The following RORA variants were observed in gnomAD, a reference collection of about 807,000 sequenced individuals.
RORA encodes the protein RAR related orphan receptor A.
RORA carries 7 observed loss-of-function variants against 69.5 expected under a neutral mutation model. That is an observed-to-expected ratio of 0.10 (90% confidence interval 0.06 to 0.19). RORA has a LOEUF of 0.19. RORA is among the 10% of genes least tolerant of loss of function. The pLI, the probability that RORA is intolerant of heterozygous loss-of-function variation, is 1.00. For missense variants in RORA, 457 were observed against 663.0 expected (o/e 0.69, Z 3.41); for synonymous variants, 261 against 240.8 (o/e 1.08, Z -0.78).
chr15:60,744,326 G>A (rs146544050), intron 1 of RORA, among the ~76,000 whole-genome samples: 229 of 152,314 alleles, frequency 1.5e-3, no homozygotes, highest in African/African-American at 5.4e-3. Context: ...GGGGACATGA[G>A]GCAGCTCCAT....
At chr15:60,536,411 A>G (rs2066680796) in intron 2 of RORA, among the ~76,000 whole-genome samples, 1 of 152,232 alleles carries the variant, frequency 6.6e-6, no homozygotes, top group Non-Finnish European at 1.5e-5. Flanking sequence ...GTGGGGATAG[A>G]GAAAAGCTGC....
At chr15:60,932,468 G>A (rs1892401987) in intron 1 of RORA, among the ~76,000 whole-genome samples, 1 of 152,194 alleles carries the variant, frequency 6.6e-6, no homozygotes, top group African/African-American at 2.4e-5. Flanking sequence ...TAACAGGTAT[G>A]TTAAAAAGTT....
At chr15:61,060,240 C>T (rs1034629590) in intron 1 of RORA, among the ~76,000 whole-genome samples, 1 of 152,176 alleles carries the variant, frequency 6.6e-6, no homozygotes, top group African/African-American at 2.4e-5. Flanking sequence ...GGATCTCCAC[C>T]ACGCCTAGTA....
At chr15:60,532,031 G>A (rs760992576) in intron 2 of RORA, among the ~76,000 whole-genome samples, 180 bp from the exon 3 acceptor site, 1 of 152,146 alleles carries the variant, frequency 6.6e-6, no homozygotes, top group Non-Finnish European at 1.5e-5. Context: ...ATGGCTGCTC[G>A]TTATATAATA....
At chr15:60,499,764 T>C in intron 10 of RORA, 128 bp downstream of exon 10, 1 of 557,080 alleles carries the variant, frequency 1.8e-6, no homozygotes, top group Non-Finnish European at 3.2e-6. Context: ...AATTTATTTC[T>C]TTTTAGTAGC....
chr15:60,826,789 C>CTCT (rs1226200219), intron 1 of RORA, among the ~76,000 whole-genome samples: 2 of 99,282 alleles, frequency 2.0e-5, no homozygotes, highest in African/African-American at 7.0e-5. Context: ...CTCTCTCTCT[C>CTCT]TTTTTTTTTT....
intron 2 of RORA, among the ~76,000 whole-genome samples, chr15:60,633,121 A>G (rs901438519): frequency 1.3e-5 from 2 of 152,208 alleles, no homozygotes; most frequent in Non-Finnish European, 2.9e-5. Context: ...CTTCATCACA[A>G]TCTGGTGCTG....
chr15:60,833,694 T>C (rs1043614884), intron 1 of RORA, among the ~76,000 whole-genome samples: 1 of 152,230 alleles, frequency 6.6e-6, no homozygotes, highest in Non-Finnish European at 1.5e-5. Flanking sequence ...TCTATGAATT[T>C]GGCATATAAT....
chr15:61,022,572 T>C (rs1310002843), intron 1 of RORA, among the ~76,000 whole-genome samples: 1 of 152,172 alleles, frequency 6.6e-6, no homozygotes, highest in Non-Finnish European at 1.5e-5. Flanking sequence ...CAAAATCTGC[T>C]ATGGACTGGG....
At chr15:61,191,874 T>C (rs2079803540) in intron 1 of RORA, among the ~76,000 whole-genome samples, 1 of 152,256 alleles carries the variant, frequency 6.6e-6, no homozygotes, top group Non-Finnish European at 1.5e-5. Context: ...ATTAGGTCTG[T>C]AGAGTGGGAT....
At position 61,096,011 on chromosome 15, in the gene RORA, CA is replaced by C. The variant is rs537563149; in HGVS notation, c.166+133041del. Among the ~76,000 whole-genome samples the C allele has an allele frequency of 3.8e-4, 58 of 152,244 alleles. 1 individual carries two copies. Among genetic ancestry groups the C allele is most frequent in the African/African-American group, 1.3e-3 (54 of 41,548 alleles). On this transcript the variant is annotated intron_variant, in intron 1 of 10. Transcript: ENST00000335670. ...GGGTTTGGAATTATGAATCACAAGC[CA>C]AAGGGCAGAGTCCAAAAGCTTGTCT... is the stretch of plus-strand genomic sequence containing the variant.
chr15:60,489,999 A>T lies in RORA; in HGVS notation c.*7456T>A, dbSNP rs2065015615. ...TTTCCATATAGCCATATTTATAAAC[A>T]AATTCACCCTATAGATGTCAAATAT... On this transcript the variant is annotated 3_prime_UTR_variant, in exon 11 of 11. Coordinates refer to ENST00000335670, the MANE Select transcript of RORA (RefSeq NM_134261.3). 1 of 152,112 alleles carries T rather than the reference A, an allele frequency of 6.6e-6. No homozygotes were observed. The highest frequency in any genetic ancestry group is 1.5e-5 in the Non-Finnish European group (1 of 67,998). 9.4% of individuals were successfully genotyped at this position (152,112 alleles called of 1,614,324 possible).
intron 2 of RORA, among the ~76,000 whole-genome samples, chr15:60,566,934 T>G (rs941143562): frequency 2.0e-5 from 3 of 152,146 alleles, no homozygotes; most frequent in African/African-American, 7.2e-5. Context: ...AATACTCTGT[T>G]AAGGAGTTTG....
intron 1 of RORA, among the ~76,000 whole-genome samples, chr15:60,951,765 C>T (rs1012477179): frequency 3.3e-5 from 5 of 152,124 alleles, no homozygotes; most frequent in African/African-American, 1.2e-4. Flanking sequence ...CTGAATAGAC[C>T]AATAACAGGA....
chr15:60,542,136 C>T (rs2066891829), intron 2 of RORA, among the ~76,000 whole-genome samples: 1 of 152,214 alleles, frequency 6.6e-6, no homozygotes, highest in Non-Finnish European at 1.5e-5. Context: ...CACTTTGGTA[C>T]TTCAGTACGG....
At chr15:61,059,589 TG>T (rs1451263241) in intron 1 of RORA, among the ~76,000 whole-genome samples, 1 of 152,192 alleles carries the variant, frequency 6.6e-6, no homozygotes, top group Non-Finnish European at 1.5e-5. Context: ...GATACGTTAT[TG>T]CCATTTCTAT....
chr15:60,561,071 GTTTTGTTTTTGT>G (rs1172780541), intron 2 of RORA, among the ~76,000 whole-genome samples: 4 of 110,498 alleles, frequency 3.6e-5, no homozygotes, highest in African/African-American at 9.4e-5. Flanking sequence ...TTTTTTTTTT[GTTTTGTTTTTGT>G]TTTTTTTTTT....
chr15:60,714,059 T>TC (rs1491280805), intron 1 of RORA, among the ~76,000 whole-genome samples: 52 of 144,354 alleles, frequency 3.6e-4, no homozygotes, highest in African/African-American at 1.0e-3. Flanking sequence ...TCTCTCTCTC[T>TC]TTTTTTTTTT....
intron 1 of RORA, among the ~76,000 whole-genome samples, chr15:60,871,247 C>A (rs773893831): frequency 2.0e-5 from 3 of 151,076 alleles, no homozygotes; most frequent in Non-Finnish European, 4.4e-5. Context: ...GTTTTTTTTT[C>A]AAACCACACC....
Sources: allele counts gnomAD v4.1 joint callset (sites outside exome capture counted in the v4.1 genomes callset), GRCh38; gene constraint gnomAD v4.1.1; transcripts MANE v1.5; gene names NCBI Gene and HGNC (gene_info 2026-07-23, HGNC 2026-07-21).